SOX6: variants seen among roughly 807,000 people sequenced by gnomAD.
SOX6 encodes the protein SRY-box transcription factor 6, also known as transcription factor SOX-6.
A neutral mutation model predicts 97.8 loss-of-function variants in SOX6; 11 were observed. The ratio of observed to expected loss-of-function variants is 0.11; its 90% CI spans 0.07 to 0.19. The LOEUF (loss-of-function observed/expected upper bound fraction) is 0.19. SOX6 is among the 10% of genes least tolerant of loss of function. SOX6 has a pLI of 1.00. For missense variants in SOX6, 810 were observed against 1,039.5 expected (o/e 0.78, Z 3.04); for synonymous variants, 360 against 371.4 (o/e 0.97, Z 0.35).
intron 3 of SOX6, chr11:16,264,604 A>G (rs1003595895): frequency 6.6e-6 from 1 of 151,902 alleles, no homozygotes; most frequent in Admixed American, 6.6e-5. Context: ...GGACTACTGG[A>G]TCAAAAGAAA....
At chr11:16,512,131 T>G (rs533868869) in intron 4 of SOX6, among the ~76,000 whole-genome samples, 7 of 152,286 alleles carry the variant, frequency 4.6e-5, no homozygotes, top group African/African-American at 1.4e-4. Flanking sequence ...AAACACTTGA[T>G]GTACACCAGA....
intron 4 of SOX6, among the ~76,000 whole-genome samples, chr11:16,549,320 C>T (rs1465204716): frequency 6.6e-6 from 1 of 152,144 alleles, no homozygotes; most frequent in Admixed American, 6.6e-5. Flanking sequence ...CAGGCATGCG[C>T]CACCACGCCT....
intron 4 of SOX6, among the ~76,000 whole-genome samples, chr11:16,542,637 C>G (rs1385773807): frequency 6.6e-6 from 1 of 152,066 alleles, no homozygotes; most frequent in African/African-American, 2.4e-5. Flanking sequence ...TATTCAACAG[C>G]ATGAGTGAGT....
chr11:16,394,858 G>A (rs1319011095), intron 1 of SOX6, among the ~76,000 whole-genome samples: 3 of 151,714 alleles, frequency 2.0e-5, no homozygotes, highest in African/African-American at 7.3e-5. Flanking sequence ...CAGTTCCTGT[G>A]TCCAGGAATA....
At chr11:16,384,151 A>G (rs1380417977) in intron 1 of SOX6, among the ~76,000 whole-genome samples, 1 of 151,958 alleles carries the variant, frequency 6.6e-6, no homozygotes, top group African/African-American at 2.4e-5. Flanking sequence ...AACAGGAACT[A>G]TCTCTGAAAA....
intron 6 of SOX6, among the ~76,000 whole-genome samples, chr11:16,182,446 C>T (rs1387914352): frequency 6.6e-6 from 1 of 151,692 alleles, no homozygotes; most frequent in Admixed American, 6.6e-5. Flanking sequence ...AAATCTTGAC[C>T]TGAGCAGTAG....
At chr11:16,228,468 C>T (rs1255831305) in intron 4 of SOX6, among the ~76,000 whole-genome samples, 1 of 151,854 alleles carries the variant, frequency 6.6e-6, no homozygotes, top group Admixed American at 6.6e-5. Context: ...GAGAGATTTT[C>T]TATTTAAGAA....
At chr11:16,589,299 T>A (rs1848125848) in intron 4 of SOX6, among the ~76,000 whole-genome samples, 1 of 152,216 alleles carries the variant, frequency 6.6e-6, no homozygotes, top group African/African-American at 2.4e-5. Context: ...TATATTTATT[T>A]ATTTTAAATG....
At chr11:16,138,638 G>A (rs1007540592) in intron 6 of SOX6, among the ~76,000 whole-genome samples, 1 of 151,790 alleles carries the variant, frequency 6.6e-6, no homozygotes, top group African/African-American at 2.4e-5. Flanking sequence ...CCATGTTGGT[G>A]TGCTGCACCC....
chr11:16,314,265 C>T (rs185215537), intron 3 of SOX6: 1 of 152,308 alleles, frequency 6.6e-6, no homozygotes, highest in African/African-American at 2.4e-5. Flanking sequence ...TTAAAGTCCT[C>T]TGCCTATTCT....
chr11:16,468,054 G>C (rs943767306), intron 1 of SOX6, among the ~76,000 whole-genome samples: 6 of 152,102 alleles, frequency 3.9e-5, no homozygotes, highest in Non-Finnish European at 7.4e-5. Flanking sequence ...CAGCTTTTTA[G>C]GGAAATATTC....
At chr11:16,158,849 T>C (rs1285438898) in intron 6 of SOX6, among the ~76,000 whole-genome samples, 1 of 151,244 alleles carries the variant, frequency 6.6e-6, no homozygotes, top group Non-Finnish European at 1.5e-5. Context: ...ATTAGTCCTA[T>C]GTGCTTGAAG....
At position 16,390,397 on chromosome 11, in the gene SOX6, C is replaced by T. The variant is rs557090458; in HGVS notation, c.-4-49145G>A. On this transcript the variant is annotated intron_variant, in intron 1 of 15. Coordinates refer to the SOX6 transcript ENST00000396356. ...GTCTGTTTCAAGTTGCTCTTCAGTG[C>T]CTTCAGATAGTTGTGTTTTGTCCAG... 2.4e-4 allele frequency among the ~76,000 whole-genome samples: 37 copies of T among 152,272 alleles called. No homozygotes were observed. In the South Asian group the frequency reaches 2.9e-3, roughly 12 times the overall value.
At chr11:16,304,478 A>G (rs1019060380) in intron 3 of SOX6, among the ~76,000 whole-genome samples, 1 of 152,200 alleles carries the variant, frequency 6.6e-6, no homozygotes, top group African/African-American at 2.4e-5. Context: ...AGCCCTTACC[A>G]GACACCAAAT....
intron 9 of SOX6, among the ~76,000 whole-genome samples, chr11:16,095,515 TA>T (rs1358183150): frequency 6.6e-6 from 1 of 151,850 alleles, no homozygotes; most frequent in Non-Finnish European, 1.5e-5. Context: ...TCCTGGGCAA[TA>T]ACCTTGACTC....
chr11:16,396,574 T>C (rs1035681849), intron 1 of SOX6, among the ~76,000 whole-genome samples: 8 of 151,764 alleles, frequency 5.3e-5, no homozygotes, highest in Non-Finnish European at 7.4e-5. Context: ...TTTGTTTGTG[T>C]GGAATTGCAA....
At chr11:16,731,075 A>G (rs997616263) in intron 2 of SOX6, among the ~76,000 whole-genome samples, 1 of 152,232 alleles carries the variant, frequency 6.6e-6, no homozygotes, top group African/African-American at 2.4e-5. Context: ...GAATAGATCA[A>G]TAACAAGTTC....
chr11:16,700,923 T>G (rs1848087967), intron 3 of SOX6, among the ~76,000 whole-genome samples: 1 of 152,156 alleles, frequency 6.6e-6, no homozygotes, highest in Non-Finnish European at 1.5e-5. Context: ...GCTAGGGCCA[T>G]AAGGTATGTG....
intron 6 of SOX6, among the ~76,000 whole-genome samples, chr11:16,173,963 A>G (rs951118168): frequency 6.6e-6 from 1 of 151,206 alleles, no homozygotes. Context: ...CCCCTACCTC[A>G]GCCTCCCAAG....
Sources: allele counts gnomAD v4.1 joint callset (sites outside exome capture counted in the v4.1 genomes callset), GRCh38; gene constraint gnomAD v4.1.1; transcripts MANE v1.5; gene names NCBI Gene and HGNC (gene_info 2026-07-23, HGNC 2026-07-21).